CNTN4: variants seen among roughly 807,000 people sequenced by gnomAD.
CNTN4 encodes contactin-4.
CNTN4 carries 77 observed loss-of-function variants against 122.5 expected under a neutral mutation model. That is an observed-to-expected ratio of 0.63 (90% CI 0.52 to 0.76). CNTN4 has a LOEUF of 0.76. CNTN4 is among the 30% of genes least tolerant of loss of function. CNTN4 has a pLI of 0.00. For synonymous variants in CNTN4, 512 were observed against 447.0 expected, an observed-to-expected ratio of 1.15 and a Z score of -1.83; for missense variants, 1,256 against 1,259.1, an observed-to-expected ratio of 1.00 and a Z score of 0.04.
At chr3:2,596,089 T>G (rs2080757418) in intron 4 of CNTN4, among the ~76,000 whole-genome samples, 1 of 152,222 alleles carries the variant, frequency 6.6e-6, no homozygotes, top group South Asian at 2.1e-4. Context: ...GAAGGTTTAA[T>G]TAAAAGCAAT....
chr3:2,990,347 A>C (rs1262484750), intron 14 of CNTN4, among the ~76,000 whole-genome samples: 2 of 152,186 alleles, frequency 1.3e-5, no homozygotes, highest in Non-Finnish European at 2.9e-5. Context: ...TTTCCACCCC[A>C]ATAGAATAAT....
intron 7 of CNTN4, among the ~76,000 whole-genome samples, chr3:2,840,356 T>C (rs1165679424): frequency 6.6e-6 from 1 of 152,078 alleles, no homozygotes; most frequent in Non-Finnish European, 1.5e-5. Flanking sequence ...CCTTTGTTCC[T>C]GCTTGCCCTT....
chr3:3,003,684 CAAAAAAAAA>C (rs58290160), intron 14 of CNTN4, among the ~76,000 whole-genome samples: 2 of 76,980 alleles, frequency 2.6e-5, no homozygotes, highest in African/African-American at 4.0e-5. Flanking sequence ...ATGGTTGCAC[CAAAAAAAAA>C]AAAAAAAAAA....
At chr3:2,735,578 G>A (rs1973683) in intron 4 of CNTN4, among the ~76,000 whole-genome samples, 121,330 of 152,126 alleles carry the variant, frequency 0.8, 51,324 homozygotes, top group Non-Finnish European at 0.94. Flanking sequence ...CTGTGGTACA[G>A]GCTATGTGAC....
At chr3:2,545,455 C>T (rs541892798) in intron 3 of CNTN4, among the ~76,000 whole-genome samples, 10 of 151,964 alleles carry the variant, frequency 6.6e-5, no homozygotes, top group South Asian at 4.2e-4. Context: ...TGCTGTCAGT[C>T]GGGTGTTGAA....
chr3:2,759,993 T>C (rs2090515633), intron 6 of CNTN4, among the ~76,000 whole-genome samples: 1 of 152,106 alleles, frequency 6.6e-6, no homozygotes, highest in South Asian at 2.1e-4. Flanking sequence ...ACACTTCTAT[T>C]CAAATCCTTT....
intron 2 of CNTN4, among the ~76,000 whole-genome samples, chr3:2,237,240 C>T (rs968901859): frequency 2.0e-5 from 3 of 151,942 alleles, no homozygotes; most frequent in African/African-American, 7.3e-5. Flanking sequence ...GTAAAATGGT[C>T]TTGACTTAGT....
chr3:2,447,883 C>G (rs2151329752), intron 3 of CNTN4, among the ~76,000 whole-genome samples: 1 of 152,056 alleles, frequency 6.6e-6, no homozygotes, highest in Admixed American at 6.6e-5. Context: ...TATTATTATC[C>G]TAATTTTAAG....
At chr3:2,240,496 A>G (rs1413422728) in intron 2 of CNTN4, among the ~76,000 whole-genome samples, 6 of 152,144 alleles carry the variant, frequency 3.9e-5, no homozygotes, top group African/African-American at 1.2e-4. Context: ...CAGGCCAAAG[A>G]CTTCACTAGA....
At chr3:2,116,564 G>A (rs73112467) in intron 2 of CNTN4, among the ~76,000 whole-genome samples, 21,705 of 152,084 alleles carry the variant, frequency 0.14, 2,062 homozygotes, top group African/African-American at 0.27. Context: ...AGGTTTGAGC[G>A]CTAAAGCATG....
intron 3 of CNTN4, among the ~76,000 whole-genome samples, chr3:2,500,698 A>G (rs904073844): frequency 6.6e-6 from 1 of 152,134 alleles, no homozygotes; most frequent in Non-Finnish European, 1.5e-5. Flanking sequence ...AACTTTTGAT[A>G]TAATTCATTC....
chr3:2,192,279 G>C (rs1347102524), intron 2 of CNTN4, among the ~76,000 whole-genome samples: 1 of 151,996 alleles, frequency 6.6e-6, no homozygotes, highest in Non-Finnish European at 1.5e-5. Context: ...GGTATTTCTA[G>C]TTCTCGATCC....
At chr3:2,309,229 AT>A (rs1208884010) in intron 2 of CNTN4, among the ~76,000 whole-genome samples, 1 of 152,036 alleles carries the variant, frequency 6.6e-6, no homozygotes, top group Non-Finnish European at 1.5e-5. Context: ...CTGTACTAAA[AT>A]TTTTGGCTTA....
intron 2 of CNTN4, among the ~76,000 whole-genome samples, chr3:2,142,248 C>G (rs2035028592): frequency 6.6e-6 from 1 of 152,138 alleles, no homozygotes; most frequent in Non-Finnish European, 1.5e-5. Context: ...CAAATGATAT[C>G]TTTTTGTAAA....
chr3:2,125,358 G>A (rs1446997310), intron 2 of CNTN4, among the ~76,000 whole-genome samples: 1 of 151,466 alleles, frequency 6.6e-6, no homozygotes. Context: ...GTGTGTGTGT[G>A]TGTGTGTATA....
At chr3:3,013,937 C>A (rs1159060820) in intron 14 of CNTN4, among the ~76,000 whole-genome samples, 1 of 152,064 alleles carries the variant, frequency 6.6e-6, no homozygotes, top group African/African-American at 2.4e-5. Flanking sequence ...GGTCTTGCCT[C>A]ACTATCTTTC....
At chr3:2,670,015 A>G (rs1014986747) in intron 4 of CNTN4, among the ~76,000 whole-genome samples, 2 of 152,150 alleles carry the variant, frequency 1.3e-5, no homozygotes, top group Non-Finnish European at 2.9e-5. Context: ...ACTTCCACCT[A>G]TGTGGTCAAT....
At chr3:2,375,334 C>G (rs1247409663) in intron 3 of CNTN4, among the ~76,000 whole-genome samples, 1 of 152,196 alleles carries the variant, frequency 6.6e-6, no homozygotes, top group Non-Finnish European at 1.5e-5. Flanking sequence ...TGTCACAAGT[C>G]ATCCCAACAT....
chr3:2,548,530 C>T (rs935218530), intron 3 of CNTN4, among the ~76,000 whole-genome samples: 5 of 152,188 alleles, frequency 3.3e-5, no homozygotes, highest in African/African-American at 1.2e-4. Context: ...TTCCATTGGT[C>T]TATATATCCT....
Sources: allele counts gnomAD v4.1 joint callset (sites outside exome capture counted in the v4.1 genomes callset), GRCh38; gene constraint gnomAD v4.1.1; transcripts MANE v1.5; gene names NCBI Gene and HGNC (gene_info 2026-07-23, HGNC 2026-07-21).